Variants in SLC4A4 observed in about 807,000 individuals in gnomAD.
The protein encoded by SLC4A4 is electrogenic sodium bicarbonate cotransporter 1.
Under a neutral mutation model 111.5 loss-of-function variants are expected in SLC4A4, and 27 were observed. The ratio of observed to expected loss-of-function variants is 0.24; its 90% CI spans 0.18 to 0.33. The LOEUF is 0.33. SLC4A4 is among the 10% of genes least tolerant of loss of function. The pLI is 1.00. For synonymous variants in SLC4A4, 443 were observed against 463.4 expected (o/e 0.96, Z 0.57); for missense variants, 909 against 1,315.5 (o/e 0.69, Z 4.78).
At chr4:71,258,257 C>G (rs1360839832) in intron 3 of SLC4A4, among the ~76,000 whole-genome samples, 1 of 152,184 alleles carries the variant, frequency 6.6e-6, no homozygotes, top group Admixed American at 6.5e-5. Context: ...AACTTGTCTT[C>G]CTGAAATGGT....
chr4:71,125,048 A>T (rs1477084275), intron 2 of SLC4A4, among the ~76,000 whole-genome samples: 1 of 152,218 alleles, frequency 6.6e-6, no homozygotes, highest in East Asian at 1.9e-4. Context: ...TGCTGAGAGG[A>T]TAGCATTGGT....
chr4:71,337,311 T>C (rs887480377), intron 3 of SLC4A4, among the ~76,000 whole-genome samples: 6 of 152,218 alleles, frequency 3.9e-5, no homozygotes, highest in Admixed American at 1.3e-4. Context: ...AATTCCTAGC[T>C]TTATTTTATA....
At chr4:71,208,232 C>T (rs2149009272) in intron 1 of SLC4A4, among the ~76,000 whole-genome samples, 1 of 152,154 alleles carries the variant, frequency 6.6e-6, no homozygotes, top group African/African-American at 2.4e-5. Context: ...AGATGGAGAC[C>T]ATCCTGGCTA....
At chr4:71,518,334 G>C (rs1732602202) in intron 16 of SLC4A4, among the ~76,000 whole-genome samples, 1 of 152,136 alleles carries the variant, frequency 6.6e-6, no homozygotes. Flanking sequence ...AGATCTGCTG[G>C]AGTGTGGGGC....
intron 9 of SLC4A4, among the ~76,000 whole-genome samples, chr4:71,448,814 G>A (rs924546325): frequency 6.6e-6 from 1 of 152,062 alleles, no homozygotes; most frequent in Non-Finnish European, 1.5e-5. Context: ...GTGGAGAAAG[G>A]GGTACCTTTC....
At chr4:71,225,670 G>A (rs761021630) in intron 1 of SLC4A4, among the ~76,000 whole-genome samples, 1 of 152,118 alleles carries the variant, frequency 6.6e-6, no homozygotes, top group Non-Finnish European at 1.5e-5. Context: ...CTTCTCCAAT[G>A]TCAGCTGTGT....
chr4:71,497,330 C>T (rs1252416112), intron 15 of SLC4A4, among the ~76,000 whole-genome samples, 171 bp from the exon 16 acceptor site: 5 of 152,010 alleles, frequency 3.3e-5, no homozygotes, highest in Admixed American at 2.6e-4. Flanking sequence ...CCCTCTTGGC[C>T]CATCTTATCT....
At chr4:71,137,208 G>A (rs1371809045) in intron 2 of SLC4A4, among the ~76,000 whole-genome samples, 1 of 152,098 alleles carries the variant, frequency 6.6e-6, no homozygotes, top group Non-Finnish European at 1.5e-5. Context: ...ACTCCACTCT[G>A]ACTCTATATT....
At chr4:71,432,525 A>C (rs907943067) in intron 7 of SLC4A4, among the ~76,000 whole-genome samples, 7 of 152,076 alleles carry the variant, frequency 4.6e-5, no homozygotes, top group Admixed American at 2.6e-4. Context: ...ATTTTTTTAA[A>C]AATATTAGTA....
At chr4:71,357,381 TGTTGTAGGCTGCTAATGCCACG>T (rs1730375750) in intron 6 of SLC4A4, among the ~76,000 whole-genome samples, 194 bp downstream of exon 6, 1 of 152,084 alleles carries the variant, frequency 6.6e-6, no homozygotes, top group African/African-American at 2.4e-5. Context: ...TTTCCACAAT[TGTTGTAGGCTGCTAATGCCACG>T]GTGACTTGCT....
chr4:71,096,474 TG>T (rs1742558127), intron 2 of SLC4A4, among the ~76,000 whole-genome samples: 1 of 152,122 alleles, frequency 6.6e-6, no homozygotes, highest in African/African-American at 2.4e-5. Context: ...TTTTCAGGAC[TG>T]GGGCTTGCCT....
At chr4:71,346,912 C>T (rs1729378890) in intron 4 of SLC4A4, among the ~76,000 whole-genome samples, 1 of 152,068 alleles carries the variant, frequency 6.6e-6, no homozygotes, top group Non-Finnish European at 1.5e-5. Flanking sequence ...TGTAATATGA[C>T]ATCATCAAAA....
chr4:71,404,973 G>A (rs78682384), intron 7 of SLC4A4, among the ~76,000 whole-genome samples: 1 of 150,468 alleles, frequency 6.6e-6, no homozygotes, highest in Non-Finnish European at 1.5e-5. Flanking sequence ...TTTTTTTTTT[G>A]TGTATATATA....
chr4:71,257,568 G>C (rs1252239704), intron 3 of SLC4A4, among the ~76,000 whole-genome samples: 2 of 152,140 alleles, frequency 1.3e-5, no homozygotes, highest in Non-Finnish European at 2.9e-5. Context: ...AAGCCATAGG[G>C]CTCTGGCACC....
chr4:71,378,771 G>A lies in SLC4A4; in HGVS notation c.731-18806G>A, dbSNP rs141158012. Among the ~76,000 whole-genome samples, 149 of 152,290 alleles carry A rather than the reference G, an allele frequency of 9.8e-4. 1 individual carries two copies. The highest frequency in any genetic ancestry group is 3.2e-3 in the African/African-American group (135 of 41,566). ...AATTGCTGGCAAAATCTTCAGAAAC[G>A]AGGCTTTTCTTTCCATGGTAAGCTG... On this transcript the variant is annotated intron_variant, in intron 6 of 25. Transcript: ENST00000264485.
At chr4:71,187,973 C>T (rs1578566191) in intron 1 of SLC4A4, among the ~76,000 whole-genome samples, 1 of 152,244 alleles carries the variant, frequency 6.6e-6, no homozygotes, top group East Asian at 1.9e-4. Context: ...GGCACACACA[C>T]ATTTATTTGC....
Position 71,112,446 on chromosome 4 carries a change from G to T in SLC4A4, c.-2+19654G>T, listed in dbSNP as rs77090922. 5.7e-3 allele frequency among the ~76,000 whole-genome samples: 860 copies of T among 152,182 alleles called. 16 individuals are homozygous for T. The highest frequency in any genetic ancestry group is 0.02 in the African/African-American group (822 of 41,520). On this transcript the variant is annotated intron_variant, in intron 2 of 26. Coordinates refer to the SLC4A4 transcript ENST00000649996. Reference sequence around the variant, plus strand: ...AGAGTAATTTTACACAATGCTTCCTGGGAAGAAATAAATTAAACTTGATAA... The same window carrying T: ...AGAGTAATTTTACACAATGCTTCCTTGGAAGAAATAAATTAAACTTGATAA...
intron 2 of SLC4A4, among the ~76,000 whole-genome samples, chr4:71,168,701 A>G (rs1259416662): frequency 2.0e-5 from 3 of 151,992 alleles, no homozygotes; most frequent in African/African-American, 7.3e-5. Flanking sequence ...AAGTGAGAAC[A>G]TGTGAAATTT....
At chr4:71,241,554 C>T (rs974329993) in intron 2 of SLC4A4, among the ~76,000 whole-genome samples, 6 of 151,972 alleles carry the variant, frequency 3.9e-5, no homozygotes, top group Non-Finnish European at 5.9e-5. Flanking sequence ...TGGTATAAAA[C>T]GTAATTTCTG....
Sources: gnomAD v4.1 joint callset for allele counts (sites outside exome capture counted in the v4.1 genomes callset) on GRCh38, gnomAD v4.1.1 for gene constraint, MANE v1.5 for transcripts, NCBI Gene and HGNC (gene_info 2026-07-23, HGNC 2026-07-21) for gene names.